CAMTA1: variants seen among roughly 807,000 people sequenced by gnomAD.
CAMTA1 encodes calmodulin binding transcription activator 1.
Under a neutral mutation model 170.9 loss-of-function variants are expected in CAMTA1, and 27 were observed. The ratio of observed to expected loss-of-function variants is 0.16; its 90% CI spans 0.12 to 0.22. CAMTA1 has a LOEUF of 0.22. Among genes scored for constraint, CAMTA1 ranks in the 10% least tolerant of loss-of-function variants. The pLI is 1.00. For missense variants in CAMTA1, 1,619 were observed against 2,217.2 expected, an observed-to-expected ratio of 0.73 and a Z score of 5.42; for synonymous variants, 833 against 891.5, an observed-to-expected ratio of 0.93 and a Z score of 1.17.
At chr1:6,799,295 C>T (rs1307553435) in intron 1 of CAMTA1, among the ~76,000 whole-genome samples, 1 of 152,160 alleles carries the variant, frequency 6.6e-6, no homozygotes, top group Non-Finnish European at 1.5e-5. Flanking sequence ...TCTTGTACTC[C>T]TGGCCTCAAG....
chr1:7,256,653 C>T (rs1334904518), intron 5 of CAMTA1, among the ~76,000 whole-genome samples: 1 of 152,226 alleles, frequency 6.6e-6, no homozygotes, highest in Non-Finnish European at 1.5e-5. Context: ...GGTTTTGCTT[C>T]TCCTTCTGTC....
rs557995795 is a variant in CAMTA1 at position 6,988,350 on chromosome 1, A to T, written c.235-102954A>T. ...GAGTGCGGGAGGCAGACCTAATGAA[A>T]ACCCGGTTTCATTTTGCATAATCAG... On this transcript the variant is annotated intron_variant, in intron 3 of 22. Coordinates refer to ENST00000303635, the MANE Select transcript of CAMTA1 (RefSeq NM_015215.4). 2.0e-5 allele frequency among the ~76,000 whole-genome samples: 3 copies of T among 152,224 alleles called. No homozygotes were observed. In the South Asian group the frequency reaches 6.2e-4, roughly 32 times the overall value.
At chr1:7,491,456 A>T (rs1335853807) in intron 6 of CAMTA1, among the ~76,000 whole-genome samples, 1 of 152,226 alleles carries the variant, frequency 6.6e-6, no homozygotes, top group Non-Finnish European at 1.5e-5. Flanking sequence ...CAGAGGGAAG[A>T]TGGTTCCGGA....
intron 3 of CAMTA1, among the ~76,000 whole-genome samples, chr1:6,983,710 A>T (rs116203666): frequency 0.014 from 1,935 of 142,432 alleles, 22 homozygotes; most frequent in Middle Eastern, 0.021. Flanking sequence ...GGGTGAGTGG[A>T]TGGTTGAATG....
chr1:7,167,192 T>C (rs1259460017), intron 4 of CAMTA1, among the ~76,000 whole-genome samples: 1 of 152,228 alleles, frequency 6.6e-6, no homozygotes, highest in Non-Finnish European at 1.5e-5. Context: ...TCCATAAATA[T>C]TATCTTCTAA....
chr1:7,348,927 CCTT>C, intron 5 of CAMTA1, among the ~76,000 whole-genome samples: 2 of 152,300 alleles, frequency 1.3e-5, no homozygotes, highest in South Asian at 4.1e-4. Context: ...CATTTCCTCA[CCTT>C]CTGGGTCTTC....
At position 7,634,753 on chromosome 1, in the gene CAMTA1, C is replaced by T. The variant is rs576803676; in HGVS notation, c.511-5647C>T. 3.7e-5 allele frequency among the ~76,000 whole-genome samples: 5 copies of T among 134,604 alleles called. No homozygotes were observed. Among genetic ancestry groups the T allele is most frequent in the Admixed American group, 3.0e-4 (4 of 13,422 alleles). 88.3% of individuals were successfully genotyped at this position (134,604 alleles called of 152,430 possible). On this transcript the variant is annotated intron_variant, in intron 6 of 22. Transcript: ENST00000303635. The surrounding 1 kb of genome is among the most constrained non-coding windows in gnomAD (Gnocchi z 6.2). ...CCGCTGGAGGCTTAACTCTGCTCAC[C>T]CTCTCAGGAAGCACGTCAGGGCTTT...
intron 4 of CAMTA1, among the ~76,000 whole-genome samples, chr1:7,205,802 AG>A (rs1657626369): frequency 6.6e-6 from 1 of 152,236 alleles, no homozygotes; most frequent in Admixed American, 6.5e-5. Context: ...CAGATCAAAA[AG>A]AAATTAACCC....
chr1:7,175,081 T>C (rs1650508499), intron 4 of CAMTA1, among the ~76,000 whole-genome samples: 2 of 152,192 alleles, frequency 1.3e-5, no homozygotes, highest in African/African-American at 4.8e-5. Flanking sequence ...TGTGCGTGTC[T>C]GCAGGTGTGT....
intron 5 of CAMTA1, among the ~76,000 whole-genome samples, chr1:7,348,615 G>A (rs1389475469): frequency 6.6e-6 from 1 of 152,234 alleles, no homozygotes; most frequent in Non-Finnish European, 1.5e-5. Flanking sequence ...ATCCAACTAA[G>A]TGGAATTGTC....
intron 5 of CAMTA1, among the ~76,000 whole-genome samples, chr1:7,361,156 T>G (rs1312202877): frequency 1.3e-5 from 2 of 152,226 alleles, no homozygotes; most frequent in East Asian, 1.9e-4. Flanking sequence ...GGCGCCATAT[T>G]CATTTGGAAT....
At chr1:7,553,163 A>G (rs1398008561) in intron 6 of CAMTA1, among the ~76,000 whole-genome samples, 8 of 152,254 alleles carry the variant, frequency 5.3e-5, no homozygotes, top group African/African-American at 1.7e-4. Flanking sequence ...GAGTGAATGC[A>G]TGAATGAATG....
At chr1:7,603,874 C>A (rs1056755575) in intron 6 of CAMTA1, among the ~76,000 whole-genome samples, 1 of 152,126 alleles carries the variant, frequency 6.6e-6, no homozygotes, top group African/African-American at 2.4e-5. Flanking sequence ...TTAGGGCAGG[C>A]CTGGTGGTAA....
At chr1:7,418,948 G>A (rs865937797) in intron 5 of CAMTA1, among the ~76,000 whole-genome samples, 2 of 152,120 alleles carry the variant, frequency 1.3e-5, no homozygotes, top group Non-Finnish European at 2.9e-5. Context: ...GGGATCTTCA[G>A]ACACAGGTCA....
chr1:6,846,047 A>G (rs1229143718), intron 3 of CAMTA1, among the ~76,000 whole-genome samples: 2 of 152,216 alleles, frequency 1.3e-5, no homozygotes, highest in African/African-American at 4.8e-5. Context: ...AGACTCATTC[A>G]CTACCATGAG....
chr1:7,588,165 G>A lies in CAMTA1; in HGVS notation c.511-52235G>A, dbSNP rs532611969. Among the ~76,000 whole-genome samples the A allele has an allele frequency of 3.3e-5, 5 of 152,212 alleles. No individual in the cohort carries two copies. The East Asian group carries it at 7.8e-4, about 24-fold the overall frequency. ...GATCCCACAGAAAGTCACAGGCCCT[G>A]CCCATTGGCAAGGTCTCTCTCTGCC... On this transcript the variant is annotated intron_variant, in intron 6 of 22. Transcript: ENST00000303635. This position sits in a 1 kb window ranked among gnomAD's most constrained non-coding sequence, Gnocchi z 5.8.
intron 7 of CAMTA1, among the ~76,000 whole-genome samples, chr1:7,659,844 G>A (rs1431486108): frequency 1.3e-5 from 2 of 152,326 alleles, no homozygotes; most frequent in East Asian, 1.9e-4. Context: ...TGCCAGGCAC[G>A]TAGATCGTGT....
intron 6 of CAMTA1, among the ~76,000 whole-genome samples, chr1:7,494,505 G>A (rs1388659415): frequency 6.6e-6 from 1 of 152,080 alleles, no homozygotes; most frequent in African/African-American, 2.4e-5. Context: ...GGATGCAGAG[G>A]TCAAAGGACC....
rs754552409 is a variant in CAMTA1, at chr1:7,663,693, C to T, written c.1146C>T (p.Ser382=). ...ACAGCCCGGTGGTCACAGGTGTGTC[C>T]GGTATGGCGGTGGCCTCTGTGATGG... is the stretch of plus-strand genomic sequence containing the variant. ...MVDSPVVTGV[S]GMAVASVMGS... The change falls in exon 9 of 23, where the codon TCC becomes TCT. Residue 382 remains serine, a synonymous_variant. Coordinates refer to ENST00000303635, the MANE Select transcript of CAMTA1 (RefSeq NM_015215.4). 32 of 1,614,046 alleles carry T rather than the reference C, an allele frequency of 2.0e-5. 1 individual carries two copies. Among genetic ancestry groups the T allele is most frequent in the East Asian group, 1.6e-4 (7 of 44,874 alleles).
Sources: allele counts gnomAD v4.1 joint callset (sites outside exome capture counted in the v4.1 genomes callset), GRCh38; gene constraint gnomAD v4.1.1; non-coding constraint Gnocchi (gnomAD v3.1); transcripts MANE v1.5; gene names NCBI Gene and HGNC (gene_info 2026-07-23, HGNC 2026-07-21).